The following TLL1 variants were observed in gnomAD, a reference collection of about 807,000 sequenced individuals.
TLL1 encodes the protein tolloid like 1, also known as tolloid-like protein 1.
A neutral mutation model predicts 128.2 loss-of-function variants in TLL1; 49 were observed. The observed-to-expected ratio is 0.38, with a 90% CI of 0.30 to 0.48. The LOEUF is 0.48. TLL1 is among the 20% of genes least tolerant of loss of function. TLL1 has a pLI of 0.96. For synonymous variants in TLL1, 454 were observed against 418.8 expected (o/e 1.08, Z -1.03); for missense variants, 1,123 against 1,242.0 (o/e 0.90, Z 1.44).
intron 7 of TLL1, among the ~76,000 whole-genome samples, chr4:166,012,119 T>C (rs1737721769): frequency 6.6e-6 from 1 of 151,536 alleles, no homozygotes. Context: ...CATTTTTCAT[T>C]TAAAAAGTCG....
At chr4:166,051,323 C>CTTCTTTCCTTCCTCT (rs1739723735) in intron 12 of TLL1, among the ~76,000 whole-genome samples, 1 of 135,008 alleles carries the variant, frequency 7.4e-6, no homozygotes, top group Admixed American at 7.4e-5. Flanking sequence ...TCCTTCCTTC[C>CTTCTTTCCTTCCTCT]TTCTTTCCTT....
intron 1 of TLL1, among the ~76,000 whole-genome samples, chr4:165,907,325 T>C (rs934701741): frequency 1.3e-5 from 2 of 152,192 alleles, no homozygotes; most frequent in African/African-American, 4.8e-5. Flanking sequence ...CTCATCATGA[T>C]ACATTGAATC....
chr4:165,906,348 C>A (rs772990514), intron 1 of TLL1, among the ~76,000 whole-genome samples: 1 of 152,136 alleles, frequency 6.6e-6, no homozygotes, highest in African/African-American at 2.4e-5. Flanking sequence ...CTCTTAATAA[C>A]CTTATAAGGT....
intron 1 of TLL1, among the ~76,000 whole-genome samples, chr4:165,983,927 T>C (rs1370916339): frequency 6.6e-6 from 1 of 151,896 alleles, no homozygotes; most frequent in African/African-American, 2.4e-5. Context: ...CAATTTTATT[T>C]AACTCATTAA....
At chr4:166,030,666 A>G (rs1302828955) in intron 9 of TLL1, 5 of 953,524 alleles carry the variant, frequency 5.2e-6, no homozygotes, top group African/African-American at 3.4e-5. Flanking sequence ...TTTAATCAAT[A>G]TTGTGTTAAT....
At chr4:165,957,214 G>A (rs138622690) in intron 1 of TLL1, among the ~76,000 whole-genome samples, 5 of 152,154 alleles carry the variant, frequency 3.3e-5, no homozygotes, top group African/African-American at 4.8e-5. Flanking sequence ...TCTTACATTA[G>A]ACAAAATGAC....
Position 165,982,314 on chromosome 4 carries a change from A to C in TLL1, c.170-7067A>C, listed in dbSNP as rs971229778. The stretch of plus-strand genomic sequence containing the variant: ...AACATTACAAATAATATTGAGAGGA[A>C]TATTTCATAGATCTTCAATTTTGTG... On this transcript the variant is annotated intron_variant, in intron 1 of 20. Transcript: ENST00000061240. Among the ~76,000 whole-genome samples the C allele has an allele frequency of 2.6e-5, 4 of 151,918 alleles. 1 individual carries two copies. The highest frequency in any genetic ancestry group is 4.4e-5 in the Non-Finnish European group (3 of 67,904).
At chr4:165,929,313 C>T (rs7674118) in intron 1 of TLL1, among the ~76,000 whole-genome samples, 14,898 of 152,042 alleles carry the variant, frequency 0.098, 866 homozygotes, top group East Asian at 0.26. Flanking sequence ...CCAAGGTGGG[C>T]GGATCACGAG....
At chr4:165,876,562 G>A (rs1051559132) in intron 1 of TLL1, among the ~76,000 whole-genome samples, 1 of 152,204 alleles carries the variant, frequency 6.6e-6, no homozygotes, top group South Asian at 2.1e-4. Flanking sequence ...ATATCACAAT[G>A]ACAATCATGG....
intron 5 of TLL1, among the ~76,000 whole-genome samples, chr4:166,000,466 C>T (rs1737095460): frequency 6.6e-6 from 1 of 151,994 alleles, no homozygotes; most frequent in South Asian, 2.1e-4. Context: ...AGTGTAAAAC[C>T]TCATCTTATA....
intron 19 of TLL1, among the ~76,000 whole-genome samples, chr4:166,092,385 A>G (rs144538946): frequency 2.0e-5 from 3 of 152,212 alleles, no homozygotes; most frequent in Non-Finnish European, 4.4e-5. Flanking sequence ...TAATAATAGT[A>G]ATCATTGGTC....
chr4:166,080,948 G>A (rs1005952193), intron 18 of TLL1, among the ~76,000 whole-genome samples: 2 of 152,056 alleles, frequency 1.3e-5, no homozygotes, highest in East Asian at 3.9e-4. Flanking sequence ...CTTGGTGCTT[G>A]TTAGTCTGGT....
chr4:165,954,926 G>T (rs1734709607), intron 1 of TLL1, among the ~76,000 whole-genome samples: 1 of 152,068 alleles, frequency 6.6e-6, no homozygotes, highest in Non-Finnish European at 1.5e-5. Context: ...CCTCCAAGCT[G>T]TCACACTAGG....
chr4:166,023,210 C>T (rs1738323643), intron 8 of TLL1, among the ~76,000 whole-genome samples: 1 of 152,126 alleles, frequency 6.6e-6, no homozygotes, highest in Admixed American at 6.6e-5. Flanking sequence ...ACCAGCCTGT[C>T]CAACATGGTG....
intron 8 of TLL1, 125 bp from the exon 9 acceptor site, chr4:166,025,191 G>A (rs947206772): frequency 6.0e-5 from 41 of 681,444 alleles, no homozygotes; most frequent in Non-Finnish European, 9.2e-5. Flanking sequence ...GAAAGGAAAC[G>A]TCTTCTATAA....
chr4:166,096,597 A>G (rs2111164486), intron 19 of TLL1, among the ~76,000 whole-genome samples: 1 of 152,052 alleles, frequency 6.6e-6, no homozygotes, highest in Non-Finnish European at 1.5e-5. Context: ...GCTAACTTGT[A>G]TCTGTGAGGC....
At chr4:166,000,857 C>A (rs114144121) in intron 5 of TLL1, among the ~76,000 whole-genome samples, 10 of 152,212 alleles carry the variant, frequency 6.6e-5, no homozygotes, top group Non-Finnish European at 1.3e-4. Flanking sequence ...ATTGATTCCT[C>A]TTTTCACCCA....
At chr4:166,048,290 A>G (rs903651040) in intron 12 of TLL1, among the ~76,000 whole-genome samples, 9 of 152,010 alleles carry the variant, frequency 5.9e-5, no homozygotes, top group African/African-American at 2.2e-4. Context: ...TGAGGGCAAA[A>G]TGAAAAGGCA....
At chr4:165,931,840 C>A (rs1260531003) in intron 1 of TLL1, among the ~76,000 whole-genome samples, 1 of 152,142 alleles carries the variant, frequency 6.6e-6, no homozygotes, top group Admixed American at 6.6e-5. Context: ...GAGGCAAAGA[C>A]AAATTCTTAG....
Sources: allele counts gnomAD v4.1 joint callset (sites outside exome capture counted in the v4.1 genomes callset), GRCh38; gene constraint gnomAD v4.1.1; transcripts MANE v1.5; gene names NCBI Gene and HGNC (gene_info 2026-07-23, HGNC 2026-07-21).